Variants in XYLT1 observed in about 807,000 individuals in gnomAD.
XYLT1 encodes the protein beta-D-xylosyltransferase 1.
XYLT1 carries 36 observed loss-of-function variants against 91.3 expected under a neutral mutation model. The ratio of observed to expected loss-of-function variants is 0.39; its 90% CI spans 0.30 to 0.52. The LOEUF (loss-of-function observed/expected upper bound fraction) is 0.52. Among genes scored for constraint, XYLT1 ranks in the 20% least tolerant of loss-of-function variants. The probability of loss-of-function intolerance (pLI) is 0.68; values close to 1 mark genes in which losing one functional copy is unlikely to be tolerated. For synonymous variants in XYLT1, 588 were observed against 532.0 expected (o/e 1.11, Z -1.45); for missense variants, 1,242 against 1,284.5 (o/e 0.97, Z 0.51).
intron 5 of XYLT1, among the ~76,000 whole-genome samples, chr16:17,164,038 CAAAAAAAAAAAAAAAA>C (rs57343034): frequency 4.5e-5 from 2 of 44,414 alleles, no homozygotes; most frequent in Non-Finnish European, 8.0e-5. Context: ...AACTCTGTCT[CAAAAAAAAAAAAAAAA>C]AAAAAAAAAA....
intron 1 of XYLT1, among the ~76,000 whole-genome samples, chr16:17,395,542 C>G (rs1377338926): frequency 6.6e-6 from 1 of 152,140 alleles, no homozygotes; most frequent in East Asian, 1.9e-4. Flanking sequence ...TAAAACAAAG[C>G]ATATGTCACA....
At chr16:17,186,166 C>G (rs568329235) in intron 5 of XYLT1, among the ~76,000 whole-genome samples, 1 of 152,128 alleles carries the variant, frequency 6.6e-6, no homozygotes, top group African/African-American at 2.4e-5. Flanking sequence ...TGCAGTGGCG[C>G]GATCTCGGCT....
chr16:17,305,954 G>A (rs1272791116), intron 2 of XYLT1, among the ~76,000 whole-genome samples: 1 of 152,014 alleles, frequency 6.6e-6, no homozygotes, highest in African/African-American at 2.4e-5. Context: ...CACTCCTCTG[G>A]CTAAGGACAG....
chr16:17,435,134 G>A (rs761214586), intron 1 of XYLT1, among the ~76,000 whole-genome samples: 30 of 152,184 alleles, frequency 2.0e-4, no homozygotes, highest in East Asian at 7.7e-4. Flanking sequence ...GTTCAGGTCC[G>A]GCGTGGCACG....
rs572325923 is a variant in XYLT1, at chr16:17,414,545, G to A, written c.363+55889C>T. Among the ~76,000 whole-genome samples, 86 of 152,282 alleles carry A rather than the reference G, an allele frequency of 5.6e-4. 1 individual carries two copies. Among genetic ancestry groups the A allele is most frequent in the Non-Finnish European group, 1.1e-3 (76 of 68,014 alleles). ...CCCAGGCACAAAACGAGACGGACCC[G>A]TGGATGAGTCTCCTTGTAAGCGCCT... is the stretch of plus-strand genomic sequence containing the variant. On this transcript the variant is annotated intron_variant, in intron 1 of 11. Coordinates refer to ENST00000261381, the MANE Select transcript of XYLT1 (RefSeq NM_022166.4).
At chr16:17,307,319 C>T (rs1317043684) in intron 2 of XYLT1, among the ~76,000 whole-genome samples, 2 of 152,210 alleles carry the variant, frequency 1.3e-5, no homozygotes, top group Non-Finnish European at 2.9e-5. Flanking sequence ...TCGTGATCGG[C>T]CCGCTTCGGC....
At chr16:17,450,362 C>CAAACAA (rs60371623) in intron 1 of XYLT1, among the ~76,000 whole-genome samples, 1 of 145,540 alleles carries the variant, frequency 6.9e-6, no homozygotes, top group South Asian at 2.2e-4. Flanking sequence ...AACAAACAAA[C>CAAACAA]AAAAAAAAAA....
chr16:17,320,946 C>T (rs2034709671), intron 2 of XYLT1, among the ~76,000 whole-genome samples: 1 of 152,018 alleles, frequency 6.6e-6, no homozygotes, highest in Admixed American at 6.6e-5. Context: ...ACTTTTTATG[C>T]CTTGTATGTG....
In XYLT1 at chr16:17,115,623, C is replaced by T. The variant is rs1436573271; in HGVS notation, c.2557+2023G>A. On this transcript the variant is annotated intron_variant, in intron 11 of 11. Coordinates refer to ENST00000261381, the MANE Select transcript of XYLT1 (RefSeq NM_022166.4). ...CCTCCCAAGTAGCTGGGACTATAGA[C>T]GCCGGCCACCACACTCGGCTAATTT... Among the ~76,000 whole-genome samples, 5 of 151,456 alleles carry T rather than the reference C, an allele frequency of 3.3e-5. No homozygotes were observed. In the South Asian group the frequency reaches 6.3e-4, roughly 19 times the overall value.
chr16:17,213,183 G>T (rs2032794304), intron 3 of XYLT1, among the ~76,000 whole-genome samples: 2 of 152,124 alleles, frequency 1.3e-5, no homozygotes, highest in Non-Finnish European at 2.9e-5. Context: ...GTGTTTAAAA[G>T]TGTGTGGCAC....
rs949730419 is a variant in XYLT1 at position 17,102,690 on chromosome 16, TTAAA to T, written c.*6001_*6004del. On this transcript the variant is annotated 3_prime_UTR_variant, in exon 12 of 12. Coordinates refer to ENST00000261381, the MANE Select transcript of XYLT1 (RefSeq NM_022166.4). ...GTTCAATATCTCTTAAAATACTCCT[TTAAA>T]TAAATAGCAAAATATCTACATATTT... 2.0e-4 allele frequency: 31 copies of T among 152,538 alleles called. No individual in the cohort carries two copies. Among genetic ancestry groups the T allele is most frequent in the Non-Finnish European group, 1.5e-5 (1 of 68,038 alleles). 9.4% of individuals were successfully genotyped at this position (152,538 alleles called of 1,614,324 possible).
In XYLT1 at chr16:17,376,842, A is replaced by C. The variant is rs1382474477; in HGVS notation, c.364-18792T>G. Among the ~76,000 whole-genome samples the C allele has an allele frequency of 2.7e-3, 403 of 150,620 alleles. 1 individual carries two copies. Among genetic ancestry groups the C allele is most frequent in the Admixed American group, 4.3e-3 (65 of 15,138 alleles). On this transcript the variant is annotated intron_variant, in intron 1 of 11. Coordinates refer to ENST00000261381, the MANE Select transcript of XYLT1 (RefSeq NM_022166.4). Reference sequence around the variant, plus strand: ...AACTCTGTCTCAAAAAAAAAAAAAAAAAAAAAAAAAATAGGGACCAAATGA... The same window carrying C: ...AACTCTGTCTCAAAAAAAAAAAAAACAAAAAAAAAAATAGGGACCAAATGA...
chr16:17,252,358 A>C (rs1380439111), intron 3 of XYLT1, among the ~76,000 whole-genome samples: 1 of 152,120 alleles, frequency 6.6e-6, no homozygotes. Context: ...GCTGTCCTTG[A>C]CTTTCAATCT....
At position 17,400,624 on chromosome 16, in the gene XYLT1, GAA is replaced by G. The variant is rs1491169068; in HGVS notation, c.364-42576_364-42575del. Among the ~76,000 whole-genome samples, 107 of 131,218 alleles carry G rather than the reference GAA, an allele frequency of 8.2e-4. 1 individual carries two copies. The highest frequency in any genetic ancestry group is 1.4e-3 in the Non-Finnish European group (89 of 61,636). 86.1% of individuals were successfully genotyped at this position (131,218 alleles called of 152,430 possible). A position where few individuals can be genotyped will look rare whatever the true frequency, so the allele number is the denominator to read the frequency against. ...GAAAGAGAGGGAGGGAGGGAGGGAG[GAA>G]GGGAGGAAGGAAGGAAGGAAGGAAG... On this transcript the variant is annotated intron_variant, in intron 1 of 11. Transcript: ENST00000261381.
intron 3 of XYLT1, among the ~76,000 whole-genome samples, chr16:17,203,915 G>T (rs2032590153): frequency 6.6e-6 from 1 of 152,354 alleles, no homozygotes; most frequent in African/African-American, 2.4e-5. Flanking sequence ...GCAAATTAAT[G>T]AATGTGTTCT....
At chr16:17,271,323 C>A (rs773271435) in intron 2 of XYLT1, among the ~76,000 whole-genome samples, 1 of 151,724 alleles carries the variant, frequency 6.6e-6, no homozygotes, top group Non-Finnish European at 1.5e-5. Context: ...GGTAGAGACA[C>A]AGAGAGAGAG....
intron 1 of XYLT1, among the ~76,000 whole-genome samples, chr16:17,440,622 C>T (rs1316543998): frequency 1.3e-5 from 2 of 152,206 alleles, no homozygotes; most frequent in Non-Finnish European, 2.9e-5. Context: ...CTTATCCGTT[C>T]ATCTGCAGAA....
chr16:17,109,701 G>A (rs959908176), intron 11 of XYLT1, among the ~76,000 whole-genome samples: 1 of 152,188 alleles, frequency 6.6e-6, no homozygotes, highest in African/African-American at 2.4e-5. Flanking sequence ...CCAGAGCTGA[G>A]TATTTGAGAC....
At chr16:17,369,285 A>C (rs994346615) in intron 1 of XYLT1, among the ~76,000 whole-genome samples, 15 of 152,196 alleles carry the variant, frequency 9.9e-5, no homozygotes, top group African/African-American at 3.1e-4. Flanking sequence ...ACATGCTACT[A>C]AGCCTGGCTA....
Sources: allele counts gnomAD v4.1 joint callset (sites outside exome capture counted in the v4.1 genomes callset), GRCh38; gene constraint gnomAD v4.1.1; transcripts MANE v1.5; gene names NCBI Gene and HGNC (gene_info 2026-07-23, HGNC 2026-07-21).